PCDH9: variants seen among roughly 807,000 people sequenced by gnomAD.
PCDH9 encodes protocadherin-9.
A neutral mutation model predicts 70.6 loss-of-function variants in PCDH9; 24 were observed. That is an observed-to-expected ratio of 0.34 (90% confidence interval 0.25 to 0.48). PCDH9 has a LOEUF of 0.48. PCDH9 is among the 20% of genes least tolerant of loss of function. The pLI is 0.99. For synonymous variants in PCDH9, 562 were observed against 558.5 expected (o/e 1.01, Z -0.09); for missense variants, 1,281 against 1,503.6 (o/e 0.85, Z 2.45).
intron 2 of PCDH9, among the ~76,000 whole-genome samples, chr13:66,919,792 C>CA (rs1337196911): frequency 1.3e-5 from 2 of 150,814 alleles, no homozygotes; most frequent in African/African-American, 4.9e-5. Context: ...ACAAGAAACT[C>CA]AAATGAGATA....
At chr13:66,567,136 C>T (rs1158757745) in intron 4 of PCDH9, among the ~76,000 whole-genome samples, 1 of 152,028 alleles carries the variant, frequency 6.6e-6, no homozygotes, top group African/African-American at 2.4e-5. Context: ...GAATTCAGTG[C>T]CATTCAGTTT....
rs765257653 is a variant in PCDH9 at position 66,393,998 on chromosome 13, G to A, written c.3341-88970C>T. 5.3e-4 allele frequency among the ~76,000 whole-genome samples: 81 copies of A among 152,304 alleles called. No individual in the cohort carries two copies. In the Middle Eastern group the frequency reaches 0.01, roughly 19 times the overall value. On this transcript the variant is annotated intron_variant, in intron 4 of 4. Coordinates refer to ENST00000377865, the MANE Select transcript of PCDH9 (RefSeq NM_203487.3). ...TTTGAGATTATACTATGACTGACGG[G>A]AGAAATAGAGGGTTGTGAAGCTGAG...
chr13:66,815,350 G>A (rs146907433), intron 3 of PCDH9, among the ~76,000 whole-genome samples: 125 of 152,242 alleles, frequency 8.2e-4, no homozygotes, highest in Non-Finnish European at 1.6e-3. Context: ...CAACCATTGT[G>A]GAAAGCAGTT....
chr13:66,532,503 A>C (rs922024407), intron 4 of PCDH9, among the ~76,000 whole-genome samples: 1 of 152,134 alleles, frequency 6.6e-6, no homozygotes, highest in Admixed American at 6.6e-5. Flanking sequence ...AATGAATCGA[A>C]ATGCTATTTT....
chr13:67,054,029 T>C (rs891869920), intron 2 of PCDH9, among the ~76,000 whole-genome samples: 1 of 152,148 alleles, frequency 6.6e-6, no homozygotes, highest in Non-Finnish European at 1.5e-5. Flanking sequence ...ATTGCCAATT[T>C]GCGCCCTCCT....
chr13:66,992,274 C>T (rs1366904781), intron 2 of PCDH9, among the ~76,000 whole-genome samples: 1 of 152,158 alleles, frequency 6.6e-6, no homozygotes, highest in Non-Finnish European at 1.5e-5. Flanking sequence ...CTGTGTTTTA[C>T]ATCTATGCTA....
chr13:66,986,550 T>C (rs2083895251), intron 2 of PCDH9, among the ~76,000 whole-genome samples: 1 of 152,024 alleles, frequency 6.6e-6, no homozygotes, highest in Non-Finnish European at 1.5e-5. Flanking sequence ...AAAGTCCAAA[T>C]ACTAGATAGT....
chr13:67,163,882 T>C (rs943761692), intron 2 of PCDH9, among the ~76,000 whole-genome samples: 6 of 152,148 alleles, frequency 3.9e-5, no homozygotes, highest in Non-Finnish European at 7.4e-5. Flanking sequence ...GCCATTACAA[T>C]AGAAAGAAGC....
At chr13:66,595,268 C>A (rs1016243497) in intron 4 of PCDH9, among the ~76,000 whole-genome samples, 7 of 151,612 alleles carry the variant, frequency 4.6e-5, no homozygotes, top group Non-Finnish European at 8.9e-5. Flanking sequence ...AATTTGCAAA[C>A]CTACCTCCTG....
chr13:66,885,229 T>C (rs954981770), intron 3 of PCDH9, among the ~76,000 whole-genome samples: 4 of 152,190 alleles, frequency 2.6e-5, no homozygotes, highest in African/African-American at 9.7e-5. Context: ...CTATCTCAAC[T>C]TCTACTCTTC....
At position 66,966,619 on chromosome 13, in the gene PCDH9, C is replaced by T. The variant is rs149345262; in HGVS notation, c.3037-63014G>A. 2.5e-4 allele frequency among the ~76,000 whole-genome samples: 38 copies of T among 152,164 alleles called. No homozygotes were observed. The East Asian group carries it at 6.8e-3, about 27-fold the overall frequency. ...GAGAGGTTTAATCATTTCTTCAATT[C>T]ATGTTTGCTACAAATTTCTATAATT... is the stretch of plus-strand genomic sequence containing the variant. On this transcript the variant is annotated intron_variant, in intron 2 of 4. Transcript: ENST00000377865.
At chr13:66,530,669 A>T (rs944118737) in intron 4 of PCDH9, among the ~76,000 whole-genome samples, 1 of 152,020 alleles carries the variant, frequency 6.6e-6, no homozygotes, top group African/African-American at 2.4e-5. Context: ...AAACATAAAC[A>T]TATGATTAAT....
chr13:67,033,997 T>G (rs1017510014), intron 2 of PCDH9, among the ~76,000 whole-genome samples: 6 of 152,128 alleles, frequency 3.9e-5, no homozygotes, highest in South Asian at 2.1e-4. Flanking sequence ...TTTGTTTTTG[T>G]TTTTTGAGAC....
At chr13:66,861,218 C>G (rs1012692684) in intron 3 of PCDH9, among the ~76,000 whole-genome samples, 31 of 152,082 alleles carry the variant, frequency 2.0e-4, no homozygotes, top group Admixed American at 1.7e-3. Context: ...GAGTTAAGTG[C>G]GGCACTTTCA....
At chr13:67,130,178 GCACA>G (rs1255786849) in intron 2 of PCDH9, among the ~76,000 whole-genome samples, 2 of 152,098 alleles carry the variant, frequency 1.3e-5, no homozygotes. Context: ...TTCACTTTCT[GCACA>G]CACAAAGAAA....
intron 2 of PCDH9, among the ~76,000 whole-genome samples, chr13:67,057,032 A>G (rs1279212545): frequency 2.0e-5 from 3 of 152,256 alleles, no homozygotes; most frequent in Middle Eastern, 3.4e-3. Context: ...CTTAATTTTA[A>G]ATATATAGAT....
chr13:66,306,962 A>G (rs891020377), intron 4 of PCDH9, among the ~76,000 whole-genome samples: 1 of 152,076 alleles, frequency 6.6e-6, no homozygotes, highest in African/African-American at 2.4e-5. Flanking sequence ...TCCCTGCATT[A>G]GGATCACAGG....
intron 4 of PCDH9, among the ~76,000 whole-genome samples, chr13:66,537,421 G>A (rs1960753619): frequency 6.6e-6 from 1 of 152,100 alleles, no homozygotes. Flanking sequence ...AATAAGATCA[G>A]TTGATATATT....
chr13:66,855,863 G>A (rs1195341275), intron 3 of PCDH9, among the ~76,000 whole-genome samples: 2 of 151,878 alleles, frequency 1.3e-5, no homozygotes, highest in Non-Finnish European at 2.9e-5. Flanking sequence ...GTGTAAAAAT[G>A]AGACATTTTT....
Sources: allele counts gnomAD v4.1 joint callset (sites outside exome capture counted in the v4.1 genomes callset), GRCh38; gene constraint gnomAD v4.1.1; transcripts MANE v1.5; gene names NCBI Gene and HGNC (gene_info 2026-07-23, HGNC 2026-07-21).